LSAMP: variants seen among roughly 807,000 people sequenced by gnomAD.
The protein encoded by LSAMP is limbic system associated membrane protein.
A neutral mutation model predicts 38.6 loss-of-function variants in LSAMP; 7 were observed. The observed-to-expected ratio is 0.18, with a 90% CI of 0.10 to 0.34. LSAMP has a LOEUF of 0.34. Ranked by LOEUF, LSAMP falls within the 10% of genes least tolerant of loss-of-function variation. The probability of loss-of-function intolerance (pLI) is 1.00; values close to 1 mark genes in which losing one functional copy is unlikely to be tolerated. For missense variants in LSAMP, 313 were observed against 420.0 expected, an observed-to-expected ratio of 0.75 and a Z score of 2.23; for synonymous variants, 154 against 166.8, an observed-to-expected ratio of 0.92 and a Z score of 0.59.
intron 1 of LSAMP, among the ~76,000 whole-genome samples, chr3:116,174,109 A>G (rs1020196006): frequency 1.3e-5 from 2 of 151,986 alleles, no homozygotes; most frequent in Admixed American, 6.6e-5. Context: ...GCCTTTGGAC[A>G]TTTTTAATAT....
intron 3 of LSAMP, among the ~76,000 whole-genome samples, chr3:115,932,193 A>G (rs1937590854): frequency 6.6e-6 from 1 of 152,210 alleles, no homozygotes; most frequent in Non-Finnish European, 1.5e-5. Context: ...ACAAGAACTT[A>G]TAAGAAAGAT....
chr3:116,442,878 G>A (rs1043226597), intron 1 of LSAMP, among the ~76,000 whole-genome samples: 6 of 152,146 alleles, frequency 3.9e-5, no homozygotes, highest in Admixed American at 3.3e-4. Context: ...AAGCACATAT[G>A]TATCATCCAT....
chr3:116,229,631 A>G (rs923473639), intron 1 of LSAMP, among the ~76,000 whole-genome samples: 3 of 152,162 alleles, frequency 2.0e-5, no homozygotes, highest in Admixed American at 1.3e-4. Flanking sequence ...TACACTTTCA[A>G]AAATAAAAAT....
At chr3:116,293,379 T>G (rs1180144728) in intron 1 of LSAMP, among the ~76,000 whole-genome samples, 1 of 151,862 alleles carries the variant, frequency 6.6e-6, no homozygotes, top group South Asian at 2.1e-4. Context: ...AGAATAATAA[T>G]GTTTTATTTT....
chr3:115,841,627 G>T, intron 6 of LSAMP: 1 of 434,792 alleles, frequency 2.3e-6, no homozygotes, highest in East Asian at 3.6e-5. Context: ...CAAACAACAA[G>T]GCAGTTATCA....
At chr3:116,055,683 C>T (rs1941478813) in intron 2 of LSAMP, among the ~76,000 whole-genome samples, 1 of 152,134 alleles carries the variant, frequency 6.6e-6, no homozygotes, top group Admixed American at 6.5e-5. Flanking sequence ...GGGACCTATT[C>T]CAGGATCAGT....
At chr3:116,317,591 G>A (rs2047649082) in intron 1 of LSAMP, among the ~76,000 whole-genome samples, 1 of 151,736 alleles carries the variant, frequency 6.6e-6, no homozygotes, top group African/African-American at 2.4e-5. Context: ...TCCTGACCTT[G>A]TGATCCACCC....
At chr3:116,070,110 AAAG>A (rs1398092300) in intron 2 of LSAMP, among the ~76,000 whole-genome samples, 7 of 152,196 alleles carry the variant, frequency 4.6e-5, no homozygotes, top group Non-Finnish European at 2.9e-5. Flanking sequence ...AATTGCAAAA[AAAG>A]GGAATTATTC....
At chr3:116,028,656 T>G (rs1940848571) in intron 2 of LSAMP, among the ~76,000 whole-genome samples, 1 of 152,196 alleles carries the variant, frequency 6.6e-6, no homozygotes, top group Non-Finnish European at 1.5e-5. Context: ...CTGACAAATG[T>G]ACCTATTATT....
At position 115,842,644 on chromosome 3, in the gene LSAMP, G is replaced by A. The variant is rs558611669; in HGVS notation, c.650-66C>T. 5.0e-5 allele frequency: 79 copies of A among 1,589,064 alleles called. 1 individual carries two copies. The Admixed American group carries it at 1.1e-3, about 23-fold the overall frequency. On this transcript the variant is annotated intron_variant, in intron 4 of 6. Transcript: ENST00000490035. ...GGTGCTTAGAATTTCTATTCAGGAA[G>A]GAATGAAGAAGGACAATCTGATTAG...
At chr3:116,010,172 C>A (rs1217968933) in intron 3 of LSAMP, among the ~76,000 whole-genome samples, 1 of 152,178 alleles carries the variant, frequency 6.6e-6, no homozygotes, top group Non-Finnish European at 1.5e-5. Flanking sequence ...CCACCTTGGC[C>A]TCCCAAAGTG....
intron 1 of LSAMP, among the ~76,000 whole-genome samples, chr3:116,147,233 G>A (rs1709511373): frequency 6.6e-6 from 1 of 151,874 alleles, no homozygotes; most frequent in South Asian, 2.1e-4. Context: ...TATTCAGCAT[G>A]TGATGTGCTT....
intron 2 of LSAMP, among the ~76,000 whole-genome samples, chr3:116,061,989 A>C (rs1559727608): frequency 6.6e-6 from 1 of 152,168 alleles, no homozygotes; most frequent in Non-Finnish European, 1.5e-5. Context: ...TAATTACAAC[A>C]TTTTTTTCCT....
chr3:116,216,606 G>A (rs1472856665), intron 1 of LSAMP, among the ~76,000 whole-genome samples: 1 of 151,836 alleles, frequency 6.6e-6, no homozygotes, highest in Non-Finnish European at 1.5e-5. Context: ...GAAGTGAATA[G>A]GAAGTGGGAG....
At chr3:116,303,541 T>C (rs1307871777) in intron 1 of LSAMP, among the ~76,000 whole-genome samples, 6 of 152,192 alleles carry the variant, frequency 3.9e-5, no homozygotes, top group Non-Finnish European at 8.8e-5. Context: ...AGAAAAATGC[T>C]ATTTTGACTC....
At chr3:116,221,844 AG>A (rs1332111768) in intron 1 of LSAMP, among the ~76,000 whole-genome samples, 1 of 145,370 alleles carries the variant, frequency 6.9e-6, no homozygotes, top group African/African-American at 2.6e-5. Context: ...CCTAAAAAGA[AG>A]TGTGTGTGTG....
intron 3 of LSAMP, among the ~76,000 whole-genome samples, chr3:116,012,088 C>T (rs1241528937): frequency 6.6e-6 from 1 of 152,176 alleles, no homozygotes; most frequent in Non-Finnish European, 1.5e-5. Context: ...CATATCAACA[C>T]AGTGTGAATC....
intron 1 of LSAMP, among the ~76,000 whole-genome samples, chr3:116,110,903 C>T (rs146644557): frequency 1.6e-3 from 238 of 150,548 alleles, no homozygotes; most frequent in African/African-American, 2.9e-3. Context: ...AAAGAGTCAG[C>T]GAAGGGAGGT....
At chr3:116,284,886 C>A (rs2047173151) in intron 1 of LSAMP, among the ~76,000 whole-genome samples, 1 of 152,040 alleles carries the variant, frequency 6.6e-6, no homozygotes, top group South Asian at 2.1e-4. Context: ...GTCTCTTCAT[C>A]AGTGCTATTT....
Sources: gnomAD v4.1 joint callset for allele counts (sites outside exome capture counted in the v4.1 genomes callset) on GRCh38, gnomAD v4.1.1 for gene constraint, MANE v1.5 for transcripts, NCBI Gene and HGNC (gene_info 2026-07-23, HGNC 2026-07-21) for gene names.